CADPS: variants seen among roughly 807,000 people sequenced by gnomAD.
CADPS encodes calcium-dependent secretion activator 1.
In CADPS, 57 loss-of-function variants were observed where a neutral mutation model predicts 167.3. The ratio of observed to expected loss-of-function variants is 0.34; its 90% CI spans 0.28 to 0.42. The LOEUF is 0.42. Ranked by LOEUF, CADPS falls within the 20% of genes least tolerant of loss-of-function variation. The pLI is 1.00. For missense variants in CADPS, 1,414 were observed against 1,738.1 expected (o/e 0.81, Z 3.32); for synonymous variants, 676 against 635.3 (o/e 1.06, Z -0.96).
chr3:62,604,933 C>T (rs1020093685), intron 6 of CADPS, among the ~76,000 whole-genome samples: 1 of 152,208 alleles, frequency 6.6e-6, no homozygotes, highest in South Asian at 2.1e-4. Flanking sequence ...AGCAATTCTG[C>T]TAACCAACTC....
At chr3:62,431,348 T>C (rs1409628675) in intron 28 of CADPS, among the ~76,000 whole-genome samples, 1 of 152,154 alleles carries the variant, frequency 6.6e-6, no homozygotes, top group East Asian at 1.9e-4. Context: ...TGTCTTCACA[T>C]GGCCACCTTG....
At chr3:62,461,094 G>T (rs1303730780) in intron 26 of CADPS, among the ~76,000 whole-genome samples, 1 of 152,140 alleles carries the variant, frequency 6.6e-6, no homozygotes, top group Admixed American at 6.5e-5. Context: ...AAGAATTCAC[G>T]TGAGCTGGGG....
intron 9 of CADPS, among the ~76,000 whole-genome samples, chr3:62,563,426 T>A (rs1179309171): frequency 1.3e-5 from 2 of 152,254 alleles, no homozygotes; most frequent in Non-Finnish European, 2.9e-5. Flanking sequence ...TTCTGAAAGC[T>A]GGAACATAAT....
intron 1 of CADPS, among the ~76,000 whole-genome samples, chr3:62,843,243 G>C (rs1352940304): frequency 6.6e-6 from 1 of 152,062 alleles, no homozygotes; most frequent in African/African-American, 2.4e-5. Context: ...AAACATTTCA[G>C]TGAAGGTTAA....
chr3:62,731,805 C>CAAAAAAAAAAAAAAAAAAAAAAAAAA (rs1212456893), intron 3 of CADPS, among the ~76,000 whole-genome samples: 31 of 27,142 alleles, frequency 1.1e-3, no homozygotes, highest in African/African-American at 2.0e-3. Context: ...TGATCATATG[C>CAAAAAAAAAAAAAAAAAAAAAAAAAA]AAAAAAAAAA....
At chr3:62,569,685 T>C (rs888246739) in intron 9 of CADPS, among the ~76,000 whole-genome samples, 11 of 152,204 alleles carry the variant, frequency 7.2e-5, no homozygotes, top group East Asian at 1.9e-4. Context: ...ACTCTAAATA[T>C]TGGTAGCACT....
At chr3:62,474,912 A>C (rs977615847) in intron 23 of CADPS, among the ~76,000 whole-genome samples, 3 of 152,208 alleles carry the variant, frequency 2.0e-5, no homozygotes, top group African/African-American at 7.2e-5. Context: ...GTAATACATC[A>C]AGCTGTTAAA....
intron 28 of CADPS, among the ~76,000 whole-genome samples, chr3:62,422,642 T>C (rs140118621): frequency 2.2e-4 from 33 of 152,332 alleles, no homozygotes; most frequent in African/African-American, 7.7e-4. Context: ...ATTGCTGACA[T>C]CTTAGGCATT....
intron 1 of CADPS, among the ~76,000 whole-genome samples, chr3:62,866,570 G>A (rs1000345281): frequency 1.3e-5 from 2 of 152,014 alleles, no homozygotes; most frequent in Non-Finnish European, 2.9e-5. Context: ...AAAGCTTTGA[G>A]TAAGGTTTCC....
chr3:62,679,688 A>G (rs1318453253), intron 3 of CADPS, among the ~76,000 whole-genome samples: 2 of 152,046 alleles, frequency 1.3e-5, no homozygotes, highest in African/African-American at 2.4e-5. Context: ...AGCACTGCCC[A>G]AGACTTTTCA....
rs1321147870 is a variant in CADPS, at chr3:62,493,578, C to T, written c.2727+67G>A. The T allele has an allele frequency of 2.0e-5, 25 of 1,247,092 alleles. No homozygotes were observed. In the South Asian group the frequency reaches 3.1e-4, roughly 15 times the overall value. 77.3% of individuals were successfully genotyped at this position (1,247,092 alleles called of 1,614,324 possible). ...ATCTATTAGTTATTAGAGGGATATTCTAACAGCCACTAGGAGGCAGAATAG... is the reference window on the plus strand; with the variant it reads ...ATCTATTAGTTATTAGAGGGATATTTTAACAGCCACTAGGAGGCAGAATAG... On this transcript the variant is annotated intron_variant, in intron 19 of 29. Coordinates refer to ENST00000383710, the MANE Select transcript of CADPS (RefSeq NM_003716.4).
At chr3:62,564,637 T>C (rs1422043469) in intron 9 of CADPS, among the ~76,000 whole-genome samples, 2 of 149,084 alleles carry the variant, frequency 1.3e-5, no homozygotes, top group Non-Finnish European at 3.0e-5. Flanking sequence ...GACAGAATCT[T>C]GCTCTGTCAC....
At chr3:62,661,180 G>A (rs887221697) in intron 4 of CADPS, among the ~76,000 whole-genome samples, 1 of 151,206 alleles carries the variant, frequency 6.6e-6, no homozygotes, top group Non-Finnish European at 1.5e-5. Flanking sequence ...TCAACAGTAA[G>A]ACATAACCTC....
At chr3:62,841,606 G>A (rs1052582158) in intron 1 of CADPS, among the ~76,000 whole-genome samples, 10 of 152,100 alleles carry the variant, frequency 6.6e-5, no homozygotes, top group East Asian at 1.9e-4. Context: ...AGTCCCAGCC[G>A]CTCAGGAGGG....
intron 8 of CADPS, among the ~76,000 whole-genome samples, chr3:62,574,571 T>G (rs1381755392): frequency 1.3e-5 from 2 of 152,162 alleles, no homozygotes; most frequent in Non-Finnish European, 2.9e-5. Context: ...TCCTGGTCAG[T>G]GCTTAAAATA....
intron 1 of CADPS, among the ~76,000 whole-genome samples, chr3:62,843,372 A>T (rs1449095370): frequency 6.6e-6 from 1 of 152,212 alleles, no homozygotes; most frequent in Non-Finnish European, 1.5e-5. Context: ...GAGGCTATGA[A>T]ACAGAAATAT....
Position 62,541,119 on chromosome 3 carries a change from C to T in CADPS, c.1967-4538G>A, listed in dbSNP as rs555091540. 2.0e-5 allele frequency among the ~76,000 whole-genome samples: 3 copies of T among 152,242 alleles called. No homozygotes were observed. In the South Asian group the frequency reaches 6.2e-4, roughly 32 times the overall value. On this transcript the variant is annotated intron_variant, in intron 11 of 29. Transcript: ENST00000383710. ...TGATCTCTTGCTTTGGGAGATGCAT[C>T]CTAATGCTCTTTTTCATTAACCGTA... is the stretch of plus-strand genomic sequence containing the variant.
intron 3 of CADPS, among the ~76,000 whole-genome samples, chr3:62,726,812 A>T (rs1575540795): frequency 6.6e-6 from 1 of 151,940 alleles, no homozygotes; most frequent in Non-Finnish European, 1.5e-5. Context: ...GCACAGTAAG[A>T]CTAGTAAAAC....
chr3:62,726,584 C>T (rs2076789769), intron 3 of CADPS, among the ~76,000 whole-genome samples: 1 of 151,826 alleles, frequency 6.6e-6, no homozygotes, highest in South Asian at 2.1e-4. Context: ...ACCTAATTTG[C>T]TTTATCTTTA....
Sources: gnomAD v4.1 joint callset for allele counts (sites outside exome capture counted in the v4.1 genomes callset) on GRCh38, gnomAD v4.1.1 for gene constraint, MANE v1.5 for transcripts, NCBI Gene and HGNC (gene_info 2026-07-23, HGNC 2026-07-21) for gene names.